The following ABL1 variants were observed in gnomAD, a reference collection of about 807,000 sequenced individuals.
The protein encoded by ABL1 is tyrosine-protein kinase ABL1.
In ABL1, 11 loss-of-function variants were observed where a neutral mutation model predicts 94.7. That is an observed-to-expected ratio of 0.12 (90% CI 0.07 to 0.19). The LOEUF is 0.19. Among genes scored for constraint, ABL1 ranks in the 10% least tolerant of loss-of-function variants. The pLI, the probability that ABL1 is intolerant of heterozygous loss-of-function variation, is 1.00. For missense variants in ABL1, 1,082 were observed against 1,489.4 expected, an observed-to-expected ratio of 0.73 and a Z score of 4.50; for synonymous variants, 656 against 622.4, an observed-to-expected ratio of 1.05 and a Z score of -0.80.
intron 1 of ABL1, among the ~76,000 whole-genome samples, chr9:130,778,660 T>G (rs1829705010): frequency 6.6e-6 from 1 of 151,702 alleles, no homozygotes; most frequent in Admixed American, 6.6e-5. Flanking sequence ...CCCATCCACT[T>G]TCAGATCCCC....
rs555868101 is a variant in ABL1, at chr9:130,716,910, C to G, written c.136+2455C>G. Among the ~76,000 whole-genome samples the G allele has an allele frequency of 2.1e-3, 325 of 151,842 alleles. 1 individual carries two copies. Among genetic ancestry groups the G allele is most frequent in the African/African-American group, 7.3e-3 (302 of 41,406 alleles). On this transcript the variant is annotated intron_variant, in intron 1 of 10. Coordinates refer to the ABL1 transcript ENST00000372348. ...GGATTACAGGTGTGCACCACCATGC[C>G]TGGCTAATGGAGAATTTTTATCTGC...
chr9:130,863,099 A>T lies in ABL1; in HGVS notation c.822+64A>T. ...GCAAGGCGTCTGCTGGCATTAGGCG[A>T]TGCATCTGCCTGGAAGTCTACCTCC... is the stretch of plus-strand genomic sequence containing the variant. On this transcript the variant is annotated intron_variant, in intron 4 of 10. Transcript: ENST00000318560. The surrounding 1 kb of genome is among the most constrained non-coding windows in gnomAD (Gnocchi z 4.3). 6.7e-7 allele frequency: 1 copy of T among 1,496,204 alleles called. No individual in the cohort carries two copies. The highest frequency in any genetic ancestry group is 1.3e-5 in the South Asian group (1 of 74,490). The allele number at this position is 1,496,204 out of a possible 1,614,324, so 92.7% of individuals were successfully genotyped here.
Position 130,880,443 on chromosome 9 carries a change from C to G in ABL1, c.1514-57C>G, listed in dbSNP as rs1831431631. 16 of 1,592,952 alleles carry G rather than the reference C, an allele frequency of 1.0e-5. No individual in the cohort carries two copies. In the Admixed American group the frequency reaches 2.8e-4, roughly 28 times the overall value. On this transcript the variant is annotated intron_variant, in intron 9 of 10. Transcript: ENST00000318560. This position sits in a 1 kb window ranked among gnomAD's most constrained non-coding sequence, Gnocchi z 4.4. ...AAAGAAAGAGAACCACCACACCAAGCCAACACCAGTACTGATGGCTGCTGG... is the reference window on the plus strand; with the variant it reads ...AAAGAAAGAGAACCACCACACCAAGGCAACACCAGTACTGATGGCTGCTGG...
chr9:130,824,096 T>C (rs554639630), intron 1 of ABL1, among the ~76,000 whole-genome samples: 2 of 152,338 alleles, frequency 1.3e-5, no homozygotes, highest in South Asian at 2.1e-4. Context: ...GGAATAGATA[T>C]CCTAAAAGTG....
At position 130,862,991 on chromosome 9, in the gene ABL1, G is replaced by A. The variant is rs772834697; in HGVS notation, c.778G>A (p.Val260Met). The change falls in exon 4 of 11, where the codon GTG (valine) becomes ATG (methionine). Residue 260 changes from valine (V) to methionine (M), a missense_variant. Transcript: ENST00000318560. The surrounding 1 kb of genome is among the most constrained non-coding windows in gnomAD (Gnocchi z 5.5). ...CCAGTACGGGGAGGTGTACGAGGGCGTGTGGAAGAAATACAGCCTGACGGT... is the reference window on the plus strand; with the variant it reads ...CCAGTACGGGGAGGTGTACGAGGGCATGTGGAAGAAATACAGCCTGACGGT... Reference protein sequence around the residue: ...GGQYGEVYEGVWKKYSLTVAV... With the variant: ...GGQYGEVYEGMWKKYSLTVAV... 11 of 1,613,298 alleles carry A rather than the reference G, an allele frequency of 6.8e-6. No homozygotes were observed. Among genetic ancestry groups the A allele is most frequent in the East Asian group, 2.2e-5 (1 of 44,848 alleles).
intron 1 of ABL1, among the ~76,000 whole-genome samples, chr9:130,780,716 C>T (rs1468361015): frequency 6.6e-6 from 1 of 152,178 alleles, no homozygotes; most frequent in Non-Finnish European, 1.5e-5. Flanking sequence ...GCACTGGAGA[C>T]ATTTGGGCTG....
At chr9:130,760,101 C>G (rs1271537127) in intron 1 of ABL1, among the ~76,000 whole-genome samples, 1 of 151,738 alleles carries the variant, frequency 6.6e-6, no homozygotes, top group Admixed American at 6.6e-5. Flanking sequence ...GCCACCACAC[C>G]CAGCCAGTTG....
chr9:130,767,182 T>C (rs113719883), intron 1 of ABL1, among the ~76,000 whole-genome samples: 1 of 152,242 alleles, frequency 6.6e-6, no homozygotes, highest in East Asian at 1.9e-4. Context: ...CAGCTCTTTG[T>C]CCTCTTCCCC....
chr9:130,826,512 G>A (rs1423252660), intron 1 of ABL1, among the ~76,000 whole-genome samples: 2 of 152,174 alleles, frequency 1.3e-5, no homozygotes, highest in Admixed American at 6.5e-5. Flanking sequence ...AAAGAGAGTG[G>A]TAATAGATTT....
intron 1 of ABL1, among the ~76,000 whole-genome samples, chr9:130,786,668 T>A (rs1175167359): frequency 1.3e-5 from 2 of 152,184 alleles, no homozygotes; most frequent in Non-Finnish European, 2.9e-5. Flanking sequence ...TCTGTCTGGA[T>A]GAAGCTCCTC....
chr9:130,876,690 G>A (rs1831349195), intron 7 of ABL1, among the ~76,000 whole-genome samples: 1 of 149,612 alleles, frequency 6.7e-6, no homozygotes, highest in Non-Finnish European at 1.5e-5. Flanking sequence ...CAAAGTGCTG[G>A]GATTACAGGC....
chr9:130,855,106 C>T lies in ABL1; in HGVS notation c.549+10C>T. 1 of 1,608,444 alleles carries T rather than the reference C, an allele frequency of 6.2e-7. No individual in the cohort carries two copies. Among genetic ancestry groups the T allele is most frequent in the Non-Finnish European group, 8.5e-7 (1 of 1,175,994 alleles). On this transcript the variant is annotated intron_variant, in intron 3 of 10. Coordinates refer to ENST00000318560, the MANE Select transcript of ABL1 (RefSeq NM_005157.6). ...TGCTTCTGATGGCAAGGTAGGGGAC[C>T]CTTGGCAGGGGGCGCTGATGGGCCC...
intron 1 of ABL1, among the ~76,000 whole-genome samples, chr9:130,793,406 G>A (rs1829933831): frequency 6.6e-6 from 1 of 152,028 alleles, no homozygotes. Context: ...ATGTCTAACT[G>A]GGCCTTAATT....
chr9:130,810,490 C>A (rs1017302927), intron 1 of ABL1, among the ~76,000 whole-genome samples: 1 of 151,382 alleles, frequency 6.6e-6, no homozygotes, highest in Admixed American at 6.6e-5. Context: ...AGCAAGATTC[C>A]GTCTCCACAA....
intron 1 of ABL1, among the ~76,000 whole-genome samples, chr9:130,722,392 CAA>C (rs10716593): frequency 1.3e-5 from 2 of 150,982 alleles, no homozygotes; most frequent in Non-Finnish European, 3.0e-5. Context: ...GACTCCATCT[CAA>C]AAAAAAATAA....
intron 1 of ABL1, among the ~76,000 whole-genome samples, chr9:130,811,992 A>C (rs1403403137): frequency 6.6e-6 from 1 of 151,422 alleles, no homozygotes; most frequent in African/African-American, 2.4e-5. Flanking sequence ...AAAACTAAAC[A>C]GGAAAAGCAA....
At chr9:130,758,068 T>C (rs973085917) in intron 1 of ABL1, among the ~76,000 whole-genome samples, 2 of 152,180 alleles carry the variant, frequency 1.3e-5, no homozygotes, top group Non-Finnish European at 2.9e-5. Context: ...GATGATTTGC[T>C]AACTTATATC....
chr9:130,718,317 C>CAAA lies in ABL1; in HGVS notation c.136+3880_136+3882dup, dbSNP rs35188504. 4.7e-3 allele frequency among the ~76,000 whole-genome samples: 342 copies of CAAA among 72,842 alleles called. 10 individuals are homozygous for CAAA. Among genetic ancestry groups the CAAA allele is most frequent in the African/African-American group, 0.011 (259 of 22,754 alleles). The allele number at this position is 72,842 out of a possible 152,430, so 47.8% of individuals were successfully genotyped here. A position where few individuals can be genotyped will look rare whatever the true frequency, so the allele number is the denominator to read the frequency against. ...TGGGTAACAGAATGAGACTCTGTCTCAAAAAAAAAAAAAAAAAAAAGAAAC... is the reference window on the plus strand; with the variant it reads ...TGGGTAACAGAATGAGACTCTGTCTCAAAAAAAAAAAAAAAAAAAAAAAGAAAC... On this transcript the variant is annotated intron_variant, in intron 1 of 10. Coordinates refer to the ABL1 transcript ENST00000372348.
chr9:130,854,332 C>G, intron 2 of ABL1, 95 bp downstream of exon 2: 1 of 1,400,134 alleles, frequency 7.1e-7, no homozygotes, highest in Non-Finnish European at 9.8e-7. Context: ...AAAGGAGCAG[C>G]TTTGAAATCT....
Sources: allele counts gnomAD v4.1 joint callset (sites outside exome capture counted in the v4.1 genomes callset), GRCh38; gene constraint gnomAD v4.1.1; non-coding constraint Gnocchi (gnomAD v3.1); transcripts MANE v1.5; gene names NCBI Gene and HGNC (gene_info 2026-07-23, HGNC 2026-07-21).